Variants in CFAP263 observed in about 807,000 individuals in gnomAD.
The protein encoded by CFAP263 is cilia and flagella associated protein 263.
At chr16:58,253,969 A>C in the CFAP263 span, 1 of 1,613,590 alleles carries the variant, frequency 6.2e-7, no homozygotes, top group Non-Finnish European at 8.5e-7. Flanking sequence ...TTCCTCTTTG[A>C]CAATGGCTTT....
chr16:58,261,601 A>G, the CFAP263 span, among the ~76,000 whole-genome samples: 2 of 152,254 alleles, frequency 1.3e-5, no homozygotes, highest in Admixed American at 6.5e-5. Context: ...GGCTCAGCAG[A>G]GAGAGGGATC....
At chr16:58,259,217 C>A in the CFAP263 span, among the ~76,000 whole-genome samples, 1 of 151,782 alleles carries the variant, frequency 6.6e-6, no homozygotes, top group Non-Finnish European at 1.5e-5. Context: ...ATCTCTTTTT[C>A]AAAATTTTAA....
the CFAP263 span, among the ~76,000 whole-genome samples, chr16:58,263,510 T>G: frequency 6.6e-6 from 1 of 152,214 alleles, no homozygotes; most frequent in Non-Finnish European, 1.5e-5. Flanking sequence ...TACAGAAAAG[T>G]TTTGCCGACC....
the CFAP263 span, among the ~76,000 whole-genome samples, chr16:58,259,530 T>C: frequency 6.6e-6 from 1 of 152,232 alleles, no homozygotes; most frequent in Non-Finnish European, 1.5e-5. Flanking sequence ...TAATAAAAAT[T>C]ATGTAAACTA....
At chr16:58,253,921 A>G in the CFAP263 span, 1 of 1,513,690 alleles carries the variant, frequency 6.6e-7, no homozygotes, top group Non-Finnish European at 9.1e-7. Context: ...AGGTCAGAGG[A>G]TCATTCTGAT....
At chr16:58,260,956 G>A in the CFAP263 span, among the ~76,000 whole-genome samples, 3 of 152,142 alleles carry the variant, frequency 2.0e-5, no homozygotes, top group Admixed American at 6.5e-5. Context: ...CTCAGGTGGT[G>A]GTGATGCTAT....
chr16:58,278,382 G>C, the CFAP263 span: 3 of 1,021,606 alleles, frequency 2.9e-6, no homozygotes, highest in Admixed American at 8.2e-5. Flanking sequence ...ATTATTTTTG[G>C]AACTCTATTG....
the CFAP263 span, chr16:58,262,309 G>A: frequency 7.4e-7 from 1 of 1,360,390 alleles, no homozygotes; most frequent in Non-Finnish European, 1.0e-6. Flanking sequence ...GTCTTGTCAA[G>A]AGTTGCAAGA....
At chr16:58,270,013 A>T in the CFAP263 span, among the ~76,000 whole-genome samples, 130 of 152,268 alleles carry the variant, frequency 8.5e-4, 2 homozygotes, top group African/African-American at 2.8e-3. Flanking sequence ...TCAGTTTTTT[A>T]AAAAAATGCC....
chr16:58,256,411 G>T, the CFAP263 span, among the ~76,000 whole-genome samples: 2 of 152,294 alleles, frequency 1.3e-5, no homozygotes, highest in East Asian at 3.9e-4. Context: ...CTTGAAGAAT[G>T]ATGGCATCTG....
the CFAP263 span, chr16:58,280,699 C>T: frequency 6.2e-7 from 1 of 1,614,188 alleles, no homozygotes; most frequent in Non-Finnish European, 8.5e-7. Context: ...CAGGACTCCT[C>T]TCAGAACCCA....
chr16:58,262,456 T>C, the CFAP263 span: 1 of 1,613,480 alleles, frequency 6.2e-7, no homozygotes, highest in African/African-American at 1.3e-5. Context: ...CTCAATTTCT[T>C]GAGACAATTG....
the CFAP263 span, among the ~76,000 whole-genome samples, chr16:58,259,418 G>C: frequency 6.6e-6 from 1 of 152,124 alleles, no homozygotes; most frequent in South Asian, 2.1e-4. Flanking sequence ...GAAAAAAGGA[G>C]AATTTGGGGG....
the CFAP263 span, chr16:58,254,142 G>A: frequency 2.5e-6 from 4 of 1,614,082 alleles, no homozygotes; most frequent in African/African-American, 1.3e-5. Flanking sequence ...TGCGGAACGC[G>A]ACCTGCAGCA....
Sources: gnomAD v4.1 joint callset for allele counts (sites outside exome capture counted in the v4.1 genomes callset) on GRCh38, gnomAD v4.1.1 for gene constraint, MANE v1.5 for transcripts, NCBI Gene and HGNC (gene_info 2026-07-23, HGNC 2026-07-21) for gene names.